Variants in ATG16L2 observed in about 807,000 individuals in gnomAD.
ATG16L2 encodes protein Atg16l2.
In ATG16L2, 77 loss-of-function variants were observed where a neutral mutation model predicts 84.7. That is an observed-to-expected ratio of 0.91 (90% confidence interval 0.76 to 1.10). The LOEUF is 1.10. ATG16L2 is among the 50% of genes least tolerant of loss of function. ATG16L2 has a pLI of 0.00. For missense variants in ATG16L2, 782 were observed against 817.6 expected (o/e 0.96, Z 0.53); for synonymous variants, 361 against 342.8 (o/e 1.05, Z -0.59).
At chr11:72,818,965 T>C (rs1859830801) in intron 3 of ATG16L2, 2 of 152,194 alleles carry the variant, frequency 1.3e-5, no homozygotes. Flanking sequence ...ATTTAATATT[T>C]GTTTGAGAGG....
intron 5 of ATG16L2, among the ~76,000 whole-genome samples, chr11:72,839,631 C>T (rs1860846238): frequency 6.6e-6 from 1 of 152,070 alleles, no homozygotes; most frequent in Admixed American, 6.6e-5. Flanking sequence ...GATGCCAGAA[C>T]ACCAGTAGGA....
At chr11:72,842,014 C>T (rs529343015) in intron 5 of ATG16L2, among the ~76,000 whole-genome samples, 1 of 152,196 alleles carries the variant, frequency 6.6e-6, no homozygotes, top group Admixed American at 6.5e-5. Flanking sequence ...ACAATCACCA[C>T]GCAAACAAGA....
intron 7 of ATG16L2, chr11:72,823,691 C>T (rs1288464355): frequency 4.3e-6 from 2 of 467,502 alleles, no homozygotes; most frequent in African/African-American, 4.0e-5. Flanking sequence ...TTGCTGAGGT[C>T]ACCCAGTGAG....
chr11:72,814,476 G>T lies in ATG16L2; in HGVS notation c.31G>T (p.Ala11Ser), dbSNP rs769087083. The change falls in exon 1 of 18, where the codon GCA becomes TCA. Residue 11 changes from alanine (A) to serine (S), a missense_variant. Physicochemically the swap from Ala to Ser is moderately conservative, Grantham distance 99. Transcript: ENST00000321297. ...GGGGCCGGGCGTCCCCGGTGCCCCC[G>T]CAGCGCGCTGGAAACGCCACATCGT... MAGPGVPGAP[A>S]ARWKRHIVRQ... is the part of the protein sequence containing the mutation. 5.9e-6 allele frequency: 9 copies of T among 1,519,482 alleles called. No individual in the cohort carries two copies. The South Asian group carries it at 9.8e-5, about 17-fold the overall frequency. The allele number at this position is 1,519,482 out of a possible 1,614,324, so 94.1% of individuals were successfully genotyped here.
chr11:72,822,317 C>T lies in ATG16L2; in HGVS notation c.644+22C>T, dbSNP rs1043981419. ...AGCGGTGAGGGAGCAGGCCCCGCCC[C>T]TCCTGAGGAAAGGCCCCGCCCCTGC... is the stretch of plus-strand genomic sequence containing the variant. On this transcript the variant is annotated intron_variant, in intron 5 of 17. Transcript: ENST00000321297. This position sits in a 1 kb window ranked among gnomAD's most constrained non-coding sequence, Gnocchi z 4.2. The T allele has an allele frequency of 3.3e-6, 5 of 1,523,340 alleles. No individual in the cohort carries two copies. The highest frequency in any genetic ancestry group is 4.9e-5 in the East Asian group (2 of 40,470). 94.4% of individuals were successfully genotyped at this position (1,523,340 alleles called of 1,614,324 possible).
At chr11:72,823,275 G>T (rs938731436) in intron 7 of ATG16L2, 18 of 354,974 alleles carry the variant, frequency 5.1e-5, no homozygotes, top group Non-Finnish European at 7.9e-5. Flanking sequence ...CCAGAGCCCA[G>T]TCATGCCAGG....
Position 72,822,887 on chromosome 11 carries a change from G to A in ATG16L2, c.750G>A (p.Arg250=). Residue 250 remains arginine, a synonymous_variant, in exon 7 of 18, where the codon AGG becomes AGA. Coordinates refer to ENST00000321297, the MANE Select transcript of ATG16L2 (RefSeq NM_033388.2). This position sits in a 1 kb window ranked among gnomAD's most constrained non-coding sequence, Gnocchi z 4.2. ...DTLGDGMRER[R]ETLALAPEPE... ...TAGGCGATGGGATGAGGGAGAGAAG[G>A]GAGACTCTGGCTCTGGCCCCTGAGC... The A allele has an allele frequency of 6.3e-7, 1 of 1,576,678 alleles. No individual in the cohort carries two copies. The highest frequency in any genetic ancestry group is 8.6e-7 in the Non-Finnish European group (1 of 1,160,676).
chr11:72,826,059 C>T, intron 10 of ATG16L2, 114 bp from the exon 11 acceptor site: 1 of 837,230 alleles, frequency 1.2e-6, no homozygotes, highest in Non-Finnish European at 1.9e-6. Flanking sequence ...GTCTTCTAAC[C>T]TGGGGATGTG....
In ATG16L2 at chr11:72,822,735, A is replaced by G; in HGVS notation, c.711-113A>G. ...GCATGCGTGACCGCTGCACGTGTAC[A>G]CCCACACAGAACCCTCATCACTGGG... is the stretch of plus-strand genomic sequence containing the variant. On this transcript the variant is annotated intron_variant, in intron 6 of 17. Coordinates refer to ENST00000321297, the MANE Select transcript of ATG16L2 (RefSeq NM_033388.2). The surrounding 1 kb of genome is among the most constrained non-coding windows in gnomAD (Gnocchi z 4.2). The G allele has an allele frequency of 9.8e-7, 1 of 1,019,502 alleles. No homozygotes were observed. Among genetic ancestry groups the G allele is most frequent in the Non-Finnish European group, 1.4e-6 (1 of 694,578 alleles). 63.2% of individuals were successfully genotyped at this position (1,019,502 alleles called of 1,614,324 possible).
intron 5 of ATG16L2, chr11:72,841,550 G>C (rs1224404011): frequency 3.1e-6 from 5 of 1,610,590 alleles, no homozygotes; most frequent in African/African-American, 1.3e-5. Context: ...GGCAGTGGAG[G>C]CAGGGAGGCG....
chr11:72,820,660 C>T (rs780130741), intron 3 of ATG16L2, among the ~76,000 whole-genome samples: 1 of 152,200 alleles, frequency 6.6e-6, no homozygotes, highest in African/African-American at 2.4e-5. Context: ...CAGGTGGCAG[C>T]GCCAACCGTG....
At chr11:72,836,629 C>T (rs1397438811) in intron 5 of ATG16L2, 1 of 152,470 alleles carries the variant, frequency 6.6e-6, no homozygotes, top group Non-Finnish European at 1.5e-5. Flanking sequence ...TTACTTTCTC[C>T]TCTCTCTGTC....
Position 72,828,384 on chromosome 11 carries a change from C to G in ATG16L2, c.1498C>G (p.Pro500Ala), listed in dbSNP as rs1468009478. 1.9e-6 allele frequency: 3 copies of G among 1,614,086 alleles called. No individual in the cohort carries two copies. Among genetic ancestry groups the G allele is most frequent in the African/African-American group, 2.7e-5 (2 of 74,948 alleles). The change falls in exon 15 of 18, where the codon CCT becomes GCT. Residue 500 changes from proline to alanine, a missense_variant. By Grantham distance (27) the Pro-to-Ala change is conservative. Transcript: ENST00000321297. ...SRGPHCTQVI[P>A]VQGRVTSLSL... is the part of the protein sequence containing the mutation. ...GGGGCCCCACTGCACCCAGGTCATC[C>G]CTGTGCAGGGCCGGGTCACCTCCCT...
Position 72,822,954 on chromosome 11 carries a change from CCCTTCAGGTGAGGA to C in ATG16L2, c.820_824+9del. Reference sequence around the variant, plus strand: ...GGAAGCTTGTGAGAAGTGGAAGAGGCCCTTCAGGTGAGGACCCAGGTGACAGTCTCAGAGCTCTG... The same window carrying C: ...GGAAGCTTGTGAGAAGTGGAAGAGGCCCCAGGTGACAGTCTCAGAGCTCTG... On this transcript the variant is annotated splice_donor_variant and splice_donor_5th_base_variant and coding_sequence_variant and intron_variant, in exon 7 of 18. Transcript: ENST00000321297. LOFTEE classifies it high-confidence loss of function. This position sits in a 1 kb window ranked among gnomAD's most constrained non-coding sequence, Gnocchi z 4.2. 6.4e-7 allele frequency: 1 copy of C among 1,564,204 alleles called. No homozygotes were observed. Among genetic ancestry groups the C allele is most frequent in the Non-Finnish European group, 8.7e-7 (1 of 1,153,282 alleles).
intron 14 of ATG16L2, among the ~76,000 whole-genome samples, 167 bp downstream of exon 14, chr11:72,827,460 C>T (rs1055527342): frequency 1.3e-5 from 2 of 152,198 alleles, no homozygotes; most frequent in African/African-American, 2.4e-5. Flanking sequence ...GCTCAGCTCC[C>T]GCAGGAAGCT....
rs563910269 is a variant in ATG16L2, at chr11:72,815,110, A to C, written c.118+547A>C. Reference sequence around the variant, plus strand: ...AGCCTACCCAGCCTGAGGGGGCATCAGGGGGCCCCGGGCTGCTGGTGGATG... The same window carrying C: ...AGCCTACCCAGCCTGAGGGGGCATCCGGGGGCCCCGGGCTGCTGGTGGATG... On this transcript the variant is annotated intron_variant, in intron 1 of 17. Transcript: ENST00000321297. Among the ~76,000 whole-genome samples the C allele has an allele frequency of 7.4e-4, 113 of 152,350 alleles. 1 individual carries two copies. The highest frequency in any genetic ancestry group is 1.4e-3 in the Non-Finnish European group (96 of 68,024).
intron 5 of ATG16L2, among the ~76,000 whole-genome samples, chr11:72,842,404 A>C (rs1016419944): frequency 1.3e-5 from 2 of 152,234 alleles, no homozygotes; most frequent in Non-Finnish European, 2.9e-5. Flanking sequence ...GAAGAGAGAG[A>C]ATGTGGGAAG....
Position 72,824,090 on chromosome 11 carries a change from C to T in ATG16L2, c.855C>T (p.Ser285=), listed in dbSNP as rs754991850. 27 of 1,614,110 alleles carry T rather than the reference C, an allele frequency of 1.7e-5. No homozygotes were observed. The highest frequency in any genetic ancestry group is 2.1e-5 in the Non-Finnish European group (25 of 1,180,038). ...CCTCAGCCACCTCCCTGACGCTGTCCCACTGTGTGGATGTGGTGAAGGGGC... is the reference window on the plus strand; with the variant it reads ...CCTCAGCCACCTCCCTGACGCTGTCTCACTGTGTGGATGTGGTGAAGGGGC... ...RSASATSLTL[S]HCVDVVKGLL... Residue 285 remains serine (S), a synonymous_variant, in exon 8 of 18, where the codon TCC becomes TCT. Transcript: ENST00000321297.
chr11:72,828,482 T>C lies in ATG16L2; in HGVS notation c.1596T>C (p.Arg532=), dbSNP rs764311387. The change falls in exon 15 of 18, where the codon CGT becomes CGC. Residue 532 remains arginine (R), a synonymous_variant. Coordinates refer to ENST00000321297, the MANE Select transcript of ATG16L2 (RefSeq NM_033388.2). ...ACACACTCAAGGTCATCGACCTGCGTGTCAGCAACATCCGCCAGGTGTTCA... is the reference window on the plus strand; with the variant it reads ...ACACACTCAAGGTCATCGACCTGCGCGTCAGCAACATCCGCCAGGTGTTCA... ...RDNTLKVIDL[R]VSNIRQVFRA... The C allele has an allele frequency of 1.2e-5, 19 of 1,614,096 alleles. No individual in the cohort carries two copies. Among genetic ancestry groups the C allele is most frequent in the Non-Finnish European group, 1.6e-5 (19 of 1,180,062 alleles).
Sources: gnomAD v4.1 joint callset for allele counts (sites outside exome capture counted in the v4.1 genomes callset) on GRCh38, gnomAD v4.1.1 for gene constraint, Gnocchi (gnomAD v3.1) non-coding constraint, MANE v1.5 for transcripts, NCBI Gene and HGNC (gene_info 2026-07-23, HGNC 2026-07-21) for gene names.